The following TM9SF2 variants were observed in gnomAD, a reference collection of about 807,000 sequenced individuals.
TM9SF2 encodes the protein 76 kDa membrane protein.
Under a neutral mutation model 84.9 loss-of-function variants are expected in TM9SF2, and 13 were observed. That is an observed-to-expected ratio of 0.15 (90% CI 0.10 to 0.24). TM9SF2 has a LOEUF of 0.24. TM9SF2 is among the 10% of genes least tolerant of loss of function. The probability of loss-of-function intolerance (pLI) is 1.00; values close to 1 mark genes in which losing one functional copy is unlikely to be tolerated. For missense variants in TM9SF2, 562 were observed against 818.5 expected (o/e 0.69, Z 3.82); for synonymous variants, 273 against 285.8 (o/e 0.96, Z 0.45).
chr13:99,548,838 C>G (rs1348970145), intron 11 of TM9SF2, among the ~76,000 whole-genome samples: 3 of 152,058 alleles, frequency 2.0e-5, no homozygotes, highest in East Asian at 3.9e-4. Flanking sequence ...AGTGAGAATC[C>G]CGTGTGCCCT....
chr13:99,554,377 T>C lies in TM9SF2; in HGVS notation c.1562T>C (p.Leu521Ser), dbSNP rs1466314139. The C allele has an allele frequency of 6.2e-7, 1 of 1,614,218 alleles. No homozygotes were observed. The highest frequency in any genetic ancestry group is 1.3e-5 in the African/African-American group (1 of 75,078). The change falls in exon 14 of 17, where the codon TTG becomes TCG. Residue 521 changes from leucine to serine, a missense_variant. By Grantham distance (145) the Leu-to-Ser change is moderately radical (BLOSUM62 -2). Around this residue, in one of 4 missense-constraint regions of TM9SF2, gnomAD observed 219 missense variants for 338.1 expected, o/e 0.65. Coordinates refer to ENST00000376387, the MANE Select transcript of TM9SF2 (RefSeq NM_004800.3). ...GAACAGTCGTTCTACACGAAGCCCT[T>C]GCCTGGTATTATCATGGGAGGGATT... ...IPEQSFYTKP[L>S]PGIIMGGILP...
chr13:99,539,591 A>C lies in TM9SF2; in HGVS notation c.828+34A>C, dbSNP rs984116116. 2.3e-6 allele frequency: 3 copies of C among 1,322,446 alleles called. No individual in the cohort carries two copies. In the Admixed American group the frequency reaches 5.1e-5, roughly 23 times the overall value. 81.9% of individuals were successfully genotyped at this position (1,322,446 alleles called of 1,614,324 possible). A position where few individuals can be genotyped will look rare whatever the true frequency, so the allele number is the denominator to read the frequency against. ...GTTGTTATCTTTAGTATAACTCTGA[A>C]ATTGATTTTAAATTTGTACTACTTA... On this transcript the variant is annotated intron_variant, in intron 7 of 16. Transcript: ENST00000376387.
intron 13 of TM9SF2, among the ~76,000 whole-genome samples, 180 bp downstream of exon 13, chr13:99,552,506 C>G (rs1237907778): frequency 6.6e-6 from 1 of 152,140 alleles, no homozygotes; most frequent in Non-Finnish European, 1.5e-5. Context: ...GGTTACAGAT[C>G]TAAACTTAGG....
At chr13:99,545,253 T>C (rs2046277947) in intron 10 of TM9SF2, among the ~76,000 whole-genome samples, 1 of 152,232 alleles carries the variant, frequency 6.6e-6, no homozygotes, top group Admixed American at 6.5e-5. Context: ...AAGAGCAGTA[T>C]CATTTTCAAA....
intron 1 of TM9SF2, among the ~76,000 whole-genome samples, chr13:99,515,791 G>A (rs989286054): frequency 1.4e-5 from 2 of 146,162 alleles, no homozygotes; most frequent in Non-Finnish European, 3.0e-5. Context: ...GGAGTGTAGT[G>A]GTGTGATCTT....
intron 16 of TM9SF2, among the ~76,000 whole-genome samples, chr13:99,561,312 T>G (rs1290715556): frequency 2.0e-5 from 3 of 152,204 alleles, no homozygotes; most frequent in Non-Finnish European, 4.4e-5. Flanking sequence ...GACGCCACTT[T>G]TAGTACGTAC....
chr13:99,504,525 T>G (rs1434353527), intron 1 of TM9SF2, among the ~76,000 whole-genome samples: 1 of 152,216 alleles, frequency 6.6e-6, no homozygotes, highest in Non-Finnish European at 1.5e-5. Flanking sequence ...ATTTAGGTAG[T>G]AGAGTGTTTT....
At chr13:99,548,341 C>G (rs1180322414) in intron 11 of TM9SF2, among the ~76,000 whole-genome samples, 2 of 152,176 alleles carry the variant, frequency 1.3e-5, no homozygotes, top group Admixed American at 1.3e-4. Context: ...TTATCAGAAA[C>G]ATTGTGAGTT....
At chr13:99,543,003 A>G (rs2139100197) in intron 9 of TM9SF2, among the ~76,000 whole-genome samples, 1 of 152,292 alleles carries the variant, frequency 6.6e-6, no homozygotes, top group South Asian at 2.1e-4. Flanking sequence ...CTAAGGCCCC[A>G]CGTTACCTCA....
intron 16 of TM9SF2, among the ~76,000 whole-genome samples, chr13:99,560,012 T>C (rs1328286183): frequency 1.3e-5 from 2 of 152,172 alleles, no homozygotes; most frequent in Admixed American, 6.5e-5. Flanking sequence ...AATTCAAGCA[T>C]TGAACAGGAT....
intron 4 of TM9SF2, among the ~76,000 whole-genome samples, chr13:99,532,035 G>A (rs1365104689): frequency 3.3e-5 from 5 of 151,684 alleles, no homozygotes; most frequent in Admixed American, 3.3e-4. Flanking sequence ...TGACTGTTAA[G>A]GTCTGTGGAT....
intron 1 of TM9SF2, among the ~76,000 whole-genome samples, chr13:99,503,691 C>G (rs1370635554): frequency 1.7e-5 from 2 of 114,530 alleles, no homozygotes; most frequent in African/African-American, 7.1e-5. Context: ...GCCTGGGCAA[C>G]AGAGCGAGAC....
chr13:99,520,773 T>C (rs748001836), intron 3 of TM9SF2, among the ~76,000 whole-genome samples: 4 of 152,186 alleles, frequency 2.6e-5, no homozygotes, highest in Non-Finnish European at 5.9e-5. Context: ...TTCCAACATA[T>C]TGGTCAGGCT....
At chr13:99,528,435 C>T (rs1048033475) in intron 3 of TM9SF2, among the ~76,000 whole-genome samples, 3 of 152,212 alleles carry the variant, frequency 2.0e-5, no homozygotes, top group Non-Finnish European at 4.4e-5. Flanking sequence ...TTACCTATTA[C>T]TACATTAATG....
chr13:99,534,093 C>T (rs2046223314), intron 4 of TM9SF2, among the ~76,000 whole-genome samples: 1 of 152,194 alleles, frequency 6.6e-6, no homozygotes, highest in Non-Finnish European at 1.5e-5. Flanking sequence ...GCACTGGACA[C>T]TTAAAACTCT....
Position 99,540,807 on chromosome 13 carries a change from G to A in TM9SF2, c.908+14G>A, listed in dbSNP as rs2046255908. 6.2e-7 allele frequency: 1 copy of A among 1,609,722 alleles called. No individual in the cohort carries two copies. Among genetic ancestry groups the A allele is most frequent in the Non-Finnish European group, 8.5e-7 (1 of 1,176,670 alleles). On this transcript the variant is annotated intron_variant, in intron 8 of 16. Coordinates refer to ENST00000376387, the MANE Select transcript of TM9SF2 (RefSeq NM_004800.3). ...TCAGTGGTTTAGGTAAGAGTACAGA[G>A]TTAGCCTGCTTTTGCTTTCTACTTT... is the stretch of plus-strand genomic sequence containing the variant.
chr13:99,502,968 TC>T (rs2046073063), intron 1 of TM9SF2, among the ~76,000 whole-genome samples: 1 of 152,218 alleles, frequency 6.6e-6, no homozygotes, highest in Non-Finnish European at 1.5e-5. Flanking sequence ...TGTTTATACA[TC>T]TGTGCAAAAC....
At chr13:99,552,065 T>C (rs1339575301) in intron 12 of TM9SF2, 102 bp from the exon 13 acceptor site, 1 of 1,119,892 alleles carries the variant, frequency 8.9e-7, no homozygotes, top group Non-Finnish European at 1.2e-6. Context: ...CCACTTTCTT[T>C]GTATATATAT....
At chr13:99,555,373 C>T (rs1463541137) in intron 14 of TM9SF2, among the ~76,000 whole-genome samples, 163 bp from the exon 15 acceptor site, 1 of 152,214 alleles carries the variant, frequency 6.6e-6, no homozygotes, top group African/African-American at 2.4e-5. Flanking sequence ...CTACTCCTCC[C>T]CTTCCCCACC....
Sources: allele counts gnomAD v4.1 joint callset (sites outside exome capture counted in the v4.1 genomes callset), GRCh38; gene constraint gnomAD v4.1.1; regional missense constraint gnomAD v4.1.1; transcripts MANE v1.5; gene names NCBI Gene and HGNC (gene_info 2026-07-23, HGNC 2026-07-21).